KRCC1: variants seen among roughly 807,000 people sequenced by gnomAD.
KRCC1 encodes the protein lysine rich coiled-coil 1.
Under a neutral mutation model 7.4 loss-of-function variants are expected in KRCC1, and 3 were observed. That is an observed-to-expected ratio of 0.40 (90% CI 0.18 to 1.04). KRCC1 has a LOEUF of 1.04. Among genes scored for constraint, KRCC1 ranks in the 50% least tolerant of loss-of-function variants. The pLI is 0.33. For synonymous variants in KRCC1, 102 were observed against 101.6 expected (o/e 1.00, Z -0.02); for missense variants, 277 against 300.9 (o/e 0.92, Z 0.59).
At chr2:88,034,431 C>G (rs1673052905) in intron 2 of KRCC1, 139 bp from the exon 3 acceptor site, 1 of 151,920 alleles carries the variant, frequency 6.6e-6, no homozygotes. Context: ...GAAAATAAAC[C>G]CTAACTTTTA....
chr2:88,053,716 C>T (rs576106954), intron 1 of KRCC1, among the ~76,000 whole-genome samples: 1 of 152,214 alleles, frequency 6.6e-6, no homozygotes, highest in Admixed American at 6.5e-5. Context: ...TACTCCTCCG[C>T]CAGTTCTCCA....
intron 1 of KRCC1, among the ~76,000 whole-genome samples, chr2:88,054,782 T>A (rs932303338): frequency 2.6e-5 from 4 of 152,220 alleles, no homozygotes; most frequent in Admixed American, 2.6e-4. Flanking sequence ...AACGTCCAGC[T>A]TCGTGTATCT....
At chr2:88,039,802 T>C (rs1673167720) in intron 1 of KRCC1, among the ~76,000 whole-genome samples, 1 of 152,106 alleles carries the variant, frequency 6.6e-6, no homozygotes, top group African/African-American at 2.4e-5. Flanking sequence ...ATACAAAGGT[T>C]TTCAGAACTT....
At chr2:88,038,729 C>T (rs1673144216) in intron 1 of KRCC1, among the ~76,000 whole-genome samples, 1 of 152,172 alleles carries the variant, frequency 6.6e-6, no homozygotes, top group Non-Finnish European at 1.5e-5. Context: ...AGGCACTTTC[C>T]TTTCAAGGTG....
chr2:88,048,185 C>G (rs902388108), intron 1 of KRCC1, among the ~76,000 whole-genome samples: 7 of 151,190 alleles, frequency 4.6e-5, no homozygotes, highest in African/African-American at 1.7e-4. Context: ...TGGGTTCAAG[C>G]AATTCTCCTG....
chr2:88,038,369 T>A (rs906393915), intron 1 of KRCC1, among the ~76,000 whole-genome samples: 1 of 152,180 alleles, frequency 6.6e-6, no homozygotes, highest in African/African-American at 2.4e-5. Flanking sequence ...TGGCTAAAGA[T>A]TAGCTGTAGT....
chr2:88,040,429 T>C (rs1673185395), intron 1 of KRCC1, among the ~76,000 whole-genome samples: 1 of 152,226 alleles, frequency 6.6e-6, no homozygotes, highest in Non-Finnish European at 1.5e-5. Context: ...TTATTGAGTT[T>C]GTCTTCAAGG....
chr2:88,027,648 C>G lies in KRCC1; in HGVS notation c.*136G>C. On this transcript the variant is annotated 3_prime_UTR_variant, in exon 4 of 4. Coordinates refer to ENST00000347055, the MANE Select transcript of KRCC1 (RefSeq NM_016618.3). ...TGTGTTGGAGAGCAAGCATGCTAAACACTTTGTTTACTAGGCCTTTGTTAG... is the reference window on the plus strand; with the variant it reads ...TGTGTTGGAGAGCAAGCATGCTAAAGACTTTGTTTACTAGGCCTTTGTTAG... The G allele has an allele frequency of 1.5e-6, 1 of 676,706 alleles. No individual in the cohort carries two copies. Among genetic ancestry groups the G allele is most frequent in the African/African-American group, 1.8e-5 (1 of 55,118 alleles). 41.9% of individuals were successfully genotyped at this position (676,706 alleles called of 1,614,324 possible).
intron 1 of KRCC1, among the ~76,000 whole-genome samples, chr2:88,040,607 G>T (rs1673190013): frequency 6.6e-6 from 1 of 152,174 alleles, no homozygotes; most frequent in Admixed American, 6.5e-5. Flanking sequence ...GTTGCCACAT[G>T]TGCTATTTGA....
chr2:88,042,966 A>G (rs1673246706), intron 1 of KRCC1, among the ~76,000 whole-genome samples: 1 of 152,196 alleles, frequency 6.6e-6, no homozygotes, highest in Admixed American at 6.5e-5. Context: ...ATAACATCTG[A>G]GTTTATTTCA....
chr2:88,035,507 G>A (rs1376991698), intron 2 of KRCC1, among the ~76,000 whole-genome samples: 1 of 152,048 alleles, frequency 6.6e-6, no homozygotes, highest in Admixed American at 6.6e-5. Flanking sequence ...AAATGTCTGG[G>A]TCCTCTCTGA....
chr2:88,040,274 T>C (rs1482834357), intron 1 of KRCC1, among the ~76,000 whole-genome samples: 1 of 152,210 alleles, frequency 6.6e-6, no homozygotes, highest in African/African-American at 2.4e-5. Flanking sequence ...ATTCTCAAGC[T>C]CAAAATCTCA....
intron 1 of KRCC1, among the ~76,000 whole-genome samples, chr2:88,043,474 AT>A (rs2104618461): frequency 6.6e-6 from 1 of 152,330 alleles, no homozygotes; most frequent in South Asian, 2.1e-4. Context: ...GTCCTGCAAC[AT>A]TCTTTTGATT....
At chr2:88,047,804 C>T (rs570233564) in intron 1 of KRCC1, among the ~76,000 whole-genome samples, 4 of 152,270 alleles carry the variant, frequency 2.6e-5, no homozygotes, top group Non-Finnish European at 5.9e-5. Flanking sequence ...GCTGGGATTA[C>T]AGGCATGAGC....
Position 88,031,570 on chromosome 2 carries a change from C to T in KRCC1, c.-23+2564G>A, listed in dbSNP as rs189871344. ...CTAGGAGGCAGAGGTTGCGGTGAGC[C>T]GAGATCGTGCCACTGCACTCCAGCC... On this transcript the variant is annotated intron_variant, in intron 3 of 3. Transcript: ENST00000347055. Among the ~76,000 whole-genome samples the T allele has an allele frequency of 1.1e-4, 17 of 151,394 alleles. No individual in the cohort carries two copies. The East Asian group carries it at 3.1e-3, about 28-fold the overall frequency.
chr2:88,047,465 T>G (rs1272110132), intron 1 of KRCC1, among the ~76,000 whole-genome samples: 1 of 152,228 alleles, frequency 6.6e-6, no homozygotes, highest in African/African-American at 2.4e-5. Context: ...ATAAAAAATG[T>G]AATAAAAATT....
chr2:88,033,689 G>A lies in KRCC1; in HGVS notation c.-23+445C>T, dbSNP rs565258859. On this transcript the variant is annotated intron_variant, in intron 3 of 3. Coordinates refer to ENST00000347055, the MANE Select transcript of KRCC1 (RefSeq NM_016618.3). ...TTACATCTACTAGGAGGGCTATAGT[G>A]AAAAAAAGATACTAGTAAGTGTTAG... Among the ~76,000 whole-genome samples, 5 of 152,216 alleles carry A rather than the reference G, an allele frequency of 3.3e-5. No homozygotes were observed. In the East Asian group the frequency reaches 9.6e-4, roughly 29 times the overall value.
At chr2:88,030,115 T>C (rs937889249) in intron 3 of KRCC1, among the ~76,000 whole-genome samples, 1 of 151,126 alleles carries the variant, frequency 6.6e-6, no homozygotes, top group African/African-American at 2.4e-5. Context: ...CCCAAAGTGC[T>C]GGGATTACAG....
chr2:88,027,637 A>G lies in KRCC1; in HGVS notation c.*147T>C. The stretch of plus-strand genomic sequence containing the variant: ...AAAGCAATTTCTGTGTTGGAGAGCA[A>G]GCATGCTAAACACTTTGTTTACTAG... On this transcript the variant is annotated 3_prime_UTR_variant, in exon 4 of 4. Coordinates refer to ENST00000347055, the MANE Select transcript of KRCC1 (RefSeq NM_016618.3). 1 of 585,556 alleles carries G rather than the reference A, an allele frequency of 1.7e-6. No homozygotes were observed. Among genetic ancestry groups the G allele is most frequent in the East Asian group, 2.9e-5 (1 of 34,926 alleles). 36.3% of individuals were successfully genotyped at this position (585,556 alleles called of 1,614,324 possible).
Sources: gnomAD v4.1 joint callset for allele counts (sites outside exome capture counted in the v4.1 genomes callset) on GRCh38, gnomAD v4.1.1 for gene constraint, MANE v1.5 for transcripts, NCBI Gene and HGNC (gene_info 2026-07-23, HGNC 2026-07-21) for gene names.